The following REPS2 variants were observed in gnomAD, a reference collection of about 807,000 sequenced individuals.
The protein encoded by REPS2 is ralBP1-associated Eps domain-containing protein 2.
Under a neutral mutation model 53.6 loss-of-function variants are expected in REPS2, and 23 were observed. The observed-to-expected ratio is 0.43, with a 90% CI of 0.31 to 0.61. The LOEUF is 0.61. Among genes scored for constraint, REPS2 ranks in the 20% least tolerant of loss-of-function variants. REPS2 has a pLI of 0.11. For missense variants in REPS2, 446 were observed against 534.9 expected (o/e 0.83, Z 1.64); for synonymous variants, 238 against 218.6 (o/e 1.09, Z -0.78).
downstream of REPS2, among the ~76,000 whole-genome samples, chrX:17,155,463 A>G (rs1000814377): frequency 8.0e-5 from 9 of 111,983 alleles, no homozygotes; most frequent in African/African-American, 2.3e-4. Flanking sequence ...GCTGGGGACA[A>G]ACATTCAAAT....
chrX:17,117,865 G>T (rs2063078002), intron 14 of REPS2, among the ~76,000 whole-genome samples: 1 of 108,935 alleles, frequency 9.2e-6, no homozygotes, highest in Admixed American at 9.7e-5. Context: ...CTTCCACAAT[G>T]GTTGAACTAG....
rs985696491 is a variant in REPS2 at position 17,079,490 on chromosome X, G to C, written c.1516+2083G>C. Among the ~76,000 whole-genome samples, 3 of 111,572 alleles carry C rather than the reference G, an allele frequency of 2.7e-5. No homozygotes were observed. In the Admixed American group the frequency reaches 2.8e-4, roughly 11 times the overall value. ...GCCCTGTCTCACTTTCCCCTCACTCGAATAATATACCTGTTCTCAAGTTCA... is the reference window on the plus strand; with the variant it reads ...GCCCTGTCTCACTTTCCCCTCACTCCAATAATATACCTGTTCTCAAGTTCA... On this transcript the variant is annotated intron_variant, in intron 13 of 17. Transcript: ENST00000357277.
chrX:17,071,176 G>A (rs1229722702), intron 11 of REPS2, among the ~76,000 whole-genome samples: 1 of 112,058 alleles, frequency 8.9e-6, no homozygotes, highest in African/African-American at 3.2e-5. Flanking sequence ...TTCCTTATTG[G>A]GTGAAATGCT....
Position 17,077,257 on chromosome X carries a change from T to C in REPS2, c.1380-14T>C, listed in dbSNP as rs2062393656. Reference sequence around the variant, plus strand: ...TTGCTATTTCGCTTCTGACCTTCCCTTATTTTGCTACAGATCTTACTCTAG... The same window carrying C: ...TTGCTATTTCGCTTCTGACCTTCCCCTATTTTGCTACAGATCTTACTCTAG... On this transcript the variant is annotated splice_polypyrimidine_tract_variant and intron_variant, in intron 12 of 17. Coordinates refer to ENST00000357277, the MANE Select transcript of REPS2 (RefSeq NM_004726.3). 8.6e-7 allele frequency: 1 copy of C among 1,161,689 alleles called. No homozygotes were observed. The highest frequency in any genetic ancestry group is 1.1e-6 in the Non-Finnish European group (1 of 871,789).
At chrX:17,117,985 A>G (rs1603067930) in intron 14 of REPS2, among the ~76,000 whole-genome samples, 1 of 61,914 alleles carries the variant, frequency 1.6e-5, no homozygotes, top group Admixed American at 2.8e-4. Context: ...TTTGAGACGG[A>G]GTCTCGCTCT....
chrX:17,138,078 T>G (rs1239682602), intron 16 of REPS2: 1 of 112,570 alleles, frequency 8.9e-6, no homozygotes, highest in East Asian at 2.8e-4. Flanking sequence ...GATGAAAGGT[T>G]GTAGATTATC....
chrX:17,108,963 C>G (rs1386196216), intron 14 of REPS2, among the ~76,000 whole-genome samples: 1 of 95,220 alleles, frequency 1.1e-5, no homozygotes. Context: ...AGCTTTACTG[C>G]AGATTTAAAA....
intron 2 of REPS2, among the ~76,000 whole-genome samples, chrX:17,015,111 A>T (rs889018923): frequency 8.8e-6 from 1 of 113,104 alleles, no homozygotes; most frequent in Non-Finnish European, 1.9e-5. Flanking sequence ...TGTTGTAAGC[A>T]CAAAATCAGG....
At chrX:17,102,012 ATTTATTTTAT>A (rs201990722) in intron 13 of REPS2, among the ~76,000 whole-genome samples, 108 of 99,312 alleles carry the variant, frequency 1.1e-3, no homozygotes, top group African/African-American at 3.6e-3. Context: ...GTTTGCGTAG[ATTTATTTTAT>A]TTTATTTTAT....
Position 16,994,398 on chromosome X carries a change from T to C in REPS2, c.274-11823T>C, listed in dbSNP as rs774962084. ...ATATATATACACACACGTACATATA[T>C]ATACACACACGTACATATATATGCA... On this transcript the variant is annotated intron_variant, in intron 1 of 17. Transcript: ENST00000357277. 3.6e-5 allele frequency among the ~76,000 whole-genome samples: 4 copies of C among 111,070 alleles called. No individual in the cohort carries two copies. In the East Asian group the frequency reaches 1.1e-3, roughly 31 times the overall value.
At chrX:17,160,530 A>G in the REPS2 span, among the ~76,000 whole-genome samples, 1 of 112,942 alleles carries the variant, frequency 8.9e-6, no homozygotes, top group African/African-American at 3.2e-5. Flanking sequence ...TAAGAATTGT[A>G]TACTAATAGA....
chrX:17,112,168 C>T (rs2062980450), intron 14 of REPS2, among the ~76,000 whole-genome samples: 1 of 110,619 alleles, frequency 9.0e-6, no homozygotes, highest in Admixed American at 9.6e-5. Context: ...CTATATTGCC[C>T]AGGCTGGTCT....
At chrX:17,095,694 C>T (rs2062688153) in intron 13 of REPS2, among the ~76,000 whole-genome samples, 1 of 111,418 alleles carries the variant, frequency 9.0e-6, no homozygotes, top group Admixed American at 9.5e-5. Context: ...AAGCCAAAAA[C>T]AGCATGAAGA....
intron 17 of REPS2, among the ~76,000 whole-genome samples, chrX:17,142,164 A>G (rs1421631489): frequency 1.8e-5 from 2 of 112,004 alleles, no homozygotes; most frequent in African/African-American, 6.5e-5. Context: ...TGTCATTTGC[A>G]TTTAAAAAAA....
intron 4 of REPS2, among the ~76,000 whole-genome samples, chrX:17,028,699 C>G (rs1045552221): frequency 5.3e-5 from 6 of 112,447 alleles, no homozygotes; most frequent in Non-Finnish European, 1.1e-4. Context: ...CTGCTCTGCT[C>G]TCTACCTAAT....
chrX:16,977,954 C>T (rs1291450278), intron 1 of REPS2, among the ~76,000 whole-genome samples: 1 of 111,113 alleles, frequency 9.0e-6, no homozygotes, highest in Non-Finnish European at 1.9e-5. Context: ...TTATGAATAG[C>T]TCCTCAGTGT....
At chrX:16,965,228 C>T (rs766965715) in intron 1 of REPS2, among the ~76,000 whole-genome samples, 3 of 101,253 alleles carry the variant, frequency 3.0e-5, no homozygotes, top group Admixed American at 1.0e-4. Flanking sequence ...CAGAGGCGCC[C>T]CTCACTTCCC....
At chrX:17,049,863 C>T (rs990248429) in intron 6 of REPS2, among the ~76,000 whole-genome samples, 2 of 110,156 alleles carry the variant, frequency 1.8e-5, no homozygotes, top group East Asian at 2.9e-4. Context: ...TAAAAACTTA[C>T]ACTCTAAGGT....
intron 17 of REPS2, among the ~76,000 whole-genome samples, chrX:17,144,965 TC>T (rs995988873): frequency 1.3e-4 from 15 of 111,393 alleles, no homozygotes; most frequent in African/African-American, 4.9e-4. Flanking sequence ...CCCAGTGGAC[TC>T]CCAAACTCAC....
Sources: allele counts gnomAD v4.1 joint callset (sites outside exome capture counted in the v4.1 genomes callset), GRCh38; gene constraint gnomAD v4.1.1; transcripts MANE v1.5; gene names NCBI Gene and HGNC (gene_info 2026-07-23, HGNC 2026-07-21).